GDAP2: variants seen among roughly 807,000 people sequenced by gnomAD.
GDAP2 encodes the protein ganglioside induced differentiation associated protein 2.
GDAP2 carries 51 observed loss-of-function variants against 67.0 expected under a neutral mutation model. That is an observed-to-expected ratio of 0.76 (90% CI 0.61 to 0.96). GDAP2 has a LOEUF of 0.96. GDAP2 is among the 40% of genes least tolerant of loss of function. The probability of loss-of-function intolerance (pLI) is 0.00; values close to 1 mark genes in which losing one functional copy is unlikely to be tolerated. For synonymous variants in GDAP2, 203 were observed against 207.3 expected (o/e 0.98, Z 0.18); for missense variants, 547 against 588.3 (o/e 0.93, Z 0.73).
At position 117,881,857 on chromosome 1, in the gene GDAP2, G is replaced by A; in HGVS notation, c.1268C>T (p.Ala423Val). The change falls in exon 12 of 14, where the codon GCT (alanine) becomes GTT (valine). Residue 423 changes from alanine (A) to valine (V), a missense_variant. Physicochemically the swap from Ala to Val is moderately conservative, Grantham distance 64. Transcript: ENST00000369443. ...VDVKYKRNLK[A>V]VYFVHPTFRS... ...AAATGTGGGATGTACAAAATAAACAGCCTTCAAATTCCTCTTGTACCTGAT... is the reference window on the plus strand; with the variant it reads ...AAATGTGGGATGTACAAAATAAACAACCTTCAAATTCCTCTTGTACCTGAT... 2 of 1,579,940 alleles carry A rather than the reference G, an allele frequency of 1.3e-6. No homozygotes were observed. The highest frequency in any genetic ancestry group is 1.1e-5 in the South Asian group (1 of 90,330).
chr1:117,907,147 C>A (rs1649684566), intron 5 of GDAP2, among the ~76,000 whole-genome samples: 1 of 152,174 alleles, frequency 6.6e-6, no homozygotes, highest in Admixed American at 6.5e-5. Flanking sequence ...TCTTTATCAA[C>A]TTCTAATAAC....
intron 1 of GDAP2, among the ~76,000 whole-genome samples, chr1:117,923,199 TACAA>T (rs1488946320): frequency 2.6e-5 from 4 of 152,200 alleles, no homozygotes; most frequent in African/African-American, 2.4e-5. Flanking sequence ...ACACATGCTC[TACAA>T]ACAATTTGTG....
intron 3 of GDAP2, among the ~76,000 whole-genome samples, chr1:117,915,748 AT>A (rs1244417780): frequency 6.6e-6 from 1 of 152,108 alleles, no homozygotes; most frequent in Non-Finnish European, 1.5e-5. Flanking sequence ...TATAAGACTG[AT>A]TTTTTTCAGG....
At chr1:117,892,148 T>C (rs1435626662) in intron 8 of GDAP2, among the ~76,000 whole-genome samples, 2 of 152,122 alleles carry the variant, frequency 1.3e-5, no homozygotes. Flanking sequence ...CTTCATCAGG[T>C]TTCTTCTTTA....
rs59773138 is a variant in GDAP2 at position 117,873,277 on chromosome 1, G to C, written c.1447-2661C>G. On this transcript the variant is annotated intron_variant, in intron 13 of 13. Transcript: ENST00000369443. ...TAACTCTCTTTCTGAAATGGTCTCAGTATCATTGTTACCTAGATAGGTTAA... is the reference window on the plus strand; with the variant it reads ...TAACTCTCTTTCTGAAATGGTCTCACTATCATTGTTACCTAGATAGGTTAA... Among the ~76,000 whole-genome samples the C allele has an allele frequency of 6.8e-3, 1,035 of 152,170 alleles. 8 individuals are homozygous for C. The highest frequency in any genetic ancestry group is 0.023 in the African/African-American group (971 of 41,510).
At chr1:117,917,525 C>A (rs1012999373) in intron 3 of GDAP2, among the ~76,000 whole-genome samples, 1 of 152,160 alleles carries the variant, frequency 6.6e-6, no homozygotes, top group African/African-American at 2.4e-5. Context: ...TAAGCTCTTA[C>A]TATATGTCAG....
chr1:117,926,275 T>A (rs1650443302), intron 1 of GDAP2, among the ~76,000 whole-genome samples: 1 of 152,218 alleles, frequency 6.6e-6, no homozygotes, highest in African/African-American at 2.4e-5. Context: ...TCCAATTTTA[T>A]CCACATTTAT....
intron 5 of GDAP2, among the ~76,000 whole-genome samples, chr1:117,908,832 T>C (rs531387200): frequency 7.1e-6 from 1 of 140,624 alleles, no homozygotes; most frequent in South Asian, 2.7e-4. Context: ...CTCAAAAAAA[T>C]AAATAAATAA....
At position 117,899,035 on chromosome 1, in the gene GDAP2, AAGTT is replaced by A. The variant is rs775978750; in HGVS notation, c.796+18_796+21del. The A allele has an allele frequency of 1.2e-5, 20 of 1,601,906 alleles. No homozygotes were observed. The East Asian group carries it at 1.6e-4, about 13-fold the overall frequency. On this transcript the variant is annotated intron_variant, in intron 7 of 13. Coordinates refer to ENST00000369443, the MANE Select transcript of GDAP2 (RefSeq NM_017686.4). ...TTTGGCCCTAAGAGGGAGATTTAAA[AAGTT>A]AGAGCTCTAGAACTCACCTTCTGGA...
chr1:117,904,695 G>T (rs931567732), intron 6 of GDAP2, among the ~76,000 whole-genome samples: 2 of 152,136 alleles, frequency 1.3e-5, no homozygotes, highest in Non-Finnish European at 2.9e-5. Flanking sequence ...ACACTGTAGG[G>T]TGATCTTTGT....
intron 5 of GDAP2, among the ~76,000 whole-genome samples, chr1:117,909,827 C>T (rs1254890209): frequency 3.9e-5 from 6 of 152,144 alleles, no homozygotes; most frequent in Non-Finnish European, 7.3e-5. Context: ...TGTCTGGGGC[C>T]ACAGAGCTAG....
chr1:117,898,112 C>T (rs755910499), intron 7 of GDAP2, among the ~76,000 whole-genome samples: 1 of 152,140 alleles, frequency 6.6e-6, no homozygotes, highest in East Asian at 1.9e-4. Context: ...ATTAATTAGT[C>T]TTATCTACTG....
At chr1:117,906,699 C>T (rs1649671724) in intron 5 of GDAP2, 117 bp from the exon 6 acceptor site, 1 of 631,152 alleles carries the variant, frequency 1.6e-6, no homozygotes, top group Non-Finnish European at 2.8e-6. Flanking sequence ...TCATTCAGCA[C>T]TCTGCTTAGT....
chr1:117,915,116 C>T (rs1360787239), intron 3 of GDAP2, among the ~76,000 whole-genome samples: 2 of 152,120 alleles, frequency 1.3e-5, no homozygotes, highest in Non-Finnish European at 2.9e-5. Flanking sequence ...TTAAGAGAGC[C>T]ATCTTAATAT....
intron 8 of GDAP2, 61 bp from the exon 9 acceptor site, chr1:117,887,835 G>A: frequency 1.0e-6 from 1 of 995,752 alleles, no homozygotes; most frequent in South Asian, 1.4e-5. Flanking sequence ...TTACAAATGG[G>A]ACCAATTTTT....
At chr1:117,897,278 G>C (rs552262823) in intron 7 of GDAP2, among the ~76,000 whole-genome samples, 1 of 152,338 alleles carries the variant, frequency 6.6e-6, no homozygotes, top group South Asian at 2.1e-4. Flanking sequence ...CAAAAAGACA[G>C]AAGTAAATAG....
intron 13 of GDAP2, among the ~76,000 whole-genome samples, chr1:117,872,893 C>T (rs1648338504): frequency 2.0e-5 from 3 of 152,102 alleles, no homozygotes; most frequent in South Asian, 2.1e-4. Context: ...AAATGTTTCA[C>T]TGACCAAATC....
chr1:117,922,184 T>C (rs1401443348), intron 1 of GDAP2, among the ~76,000 whole-genome samples: 1 of 152,244 alleles, frequency 6.6e-6, no homozygotes, highest in Non-Finnish European at 1.5e-5. Context: ...TTTGGAATTC[T>C]CAGCATATGG....
rs532380451 is a variant in GDAP2 at position 117,908,045 on chromosome 1, C to T, written c.560-1463G>A. ...AACATACCACTTACTTTTATGATGC[C>T]CTGCCTCTGCTTGCATGTGCCTACC... is the stretch of plus-strand genomic sequence containing the variant. On this transcript the variant is annotated intron_variant, in intron 5 of 13. Transcript: ENST00000369443. Among the ~76,000 whole-genome samples the T allele has an allele frequency of 3.3e-5, 5 of 151,924 alleles. No individual in the cohort carries two copies. In the South Asian group the frequency reaches 1.0e-3, roughly 32 times the overall value.
Sources: allele counts gnomAD v4.1 joint callset (sites outside exome capture counted in the v4.1 genomes callset), GRCh38; gene constraint gnomAD v4.1.1; transcripts MANE v1.5; gene names NCBI Gene and HGNC (gene_info 2026-07-23, HGNC 2026-07-21).